Variants in NADK observed in about 807,000 individuals in gnomAD.
The protein encoded by NADK is NAD kinase.
A neutral mutation model predicts 49.8 loss-of-function variants in NADK; 22 were observed. The observed-to-expected ratio is 0.44, with a 90% CI of 0.32 to 0.63. The LOEUF is 0.63. Among genes scored for constraint, NADK ranks in the 30% least tolerant of loss-of-function variants. NADK has a pLI of 0.06. For missense variants in NADK, 438 were observed against 609.4 expected (o/e 0.72, Z 2.96); for synonymous variants, 268 against 253.7 (o/e 1.06, Z -0.54).
upstream of NADK, chr1:1,779,221 T>G (rs1646303125): frequency 6.6e-6 from 1 of 152,406 alleles, no homozygotes. Flanking sequence ...GAGCCGTGTT[T>G]TGCGCACCCC....
In NADK at chr1:1,754,080, T is replaced by C; in HGVS notation, c.1072A>G (p.Ile358Val). 1 of 1,599,770 alleles carries C rather than the reference T, an allele frequency of 6.3e-7. No homozygotes were observed. The highest frequency in any genetic ancestry group is 8.5e-7 in the Non-Finnish European group (1 of 1,172,746). ...ICPHSLSFRP[I>V]VVPAGVELKI... ...AGCTCGACCCCTGCGGGGACCACGA[T>C]GGGCCGGAAGGACAGCGAGTGGGGG... Residue 358 changes from isoleucine (I) to valine (V), a missense_variant, in exon 10 of 12, where the codon ATC becomes GTC. Ile to Val is a conservative substitution (Grantham distance 29, BLOSUM62 3). Coordinates refer to ENST00000341426, the MANE Select transcript of NADK (RefSeq NM_023018.5). This position sits in a 1 kb window ranked among gnomAD's most constrained non-coding sequence, Gnocchi z 4.3.
chr1:1,761,467 G>A (rs1288794672), intron 3 of NADK, among the ~76,000 whole-genome samples: 2 of 152,188 alleles, frequency 1.3e-5, no homozygotes, highest in East Asian at 1.9e-4. Context: ...ATATCAGATC[G>A]ATCACTGTTG....
At chr1:1,761,479 G>A (rs775006207) in intron 3 of NADK, among the ~76,000 whole-genome samples, 2 of 152,192 alleles carry the variant, frequency 1.3e-5, no homozygotes, top group Non-Finnish European at 2.9e-5. Flanking sequence ...TCACTGTTGC[G>A]TTTTTCCCAT....
rs1645464131 is a variant in NADK at position 1,754,957 on chromosome 1, A to G, written c.689-259T>C. ...CTGCCTCAGCCTCCCAAGTAGCTGG[A>G]ACTACGGGTGCGCACCACCACGCCC... On this transcript the variant is annotated intron_variant, in intron 7 of 11. Transcript: ENST00000341426. The surrounding 1 kb of genome is among the most constrained non-coding windows in gnomAD (Gnocchi z 4.3). The G allele has an allele frequency of 2.1e-6, 1 of 466,632 alleles. No homozygotes were observed. The highest frequency in any genetic ancestry group is 2.7e-5 in the South Asian group (1 of 36,970). 28.9% of individuals were successfully genotyped at this position (466,632 alleles called of 1,614,324 possible). A position where few individuals can be genotyped will look rare whatever the true frequency, so the allele number is the denominator to read the frequency against.
At chr1:1,759,903 C>A in intron 3 of NADK, 1 of 1,550,614 alleles carries the variant, frequency 6.4e-7, no homozygotes, top group Non-Finnish European at 8.7e-7. Context: ...AGGAGTGGCT[C>A]TGCCAGGACC....
chr1:1,769,324 A>C (rs924750462), intron 1 of NADK, among the ~76,000 whole-genome samples: 1 of 152,224 alleles, frequency 6.6e-6, no homozygotes. Flanking sequence ...AAGCGGGCAG[A>C]TCACCTGAGG....
chr1:1,755,572 G>A (rs1645489587), intron 6 of NADK, 96 bp from the exon 7 acceptor site: 4 of 886,024 alleles, frequency 4.5e-6, no homozygotes, highest in African/African-American at 1.6e-5. Context: ...CAGCTCTGTG[G>A]GGACAGCACC....
intron 6 of NADK, 46 bp from the exon 7 acceptor site, chr1:1,755,522 C>G (rs775814971): frequency 2.1e-6 from 3 of 1,430,274 alleles, no homozygotes; most frequent in Non-Finnish European, 3.0e-6. Flanking sequence ...CCGTGCACCC[C>G]CGCACCACCC....
At position 1,753,551 on chromosome 1, in the gene NADK, G is replaced by C. The variant is rs138146152; in HGVS notation, c.1184+16C>G. On this transcript the variant is annotated intron_variant, in intron 11 of 11. Transcript: ENST00000341426. ...GAGGTTGGCAGGCAGCGCCCAGCCC[G>C]GCATGCAGCCCACACCTGTCTCCAT... The C allele has an allele frequency of 3.1e-6, 5 of 1,606,624 alleles. No homozygotes were observed. In the East Asian group the frequency reaches 1.1e-4, roughly 36 times the overall value.
intron 3 of NADK, chr1:1,758,493 G>A (rs767083626): frequency 1.9e-6 from 3 of 1,612,122 alleles, no homozygotes; most frequent in East Asian, 4.5e-5. Context: ...TGTGTCCACA[G>A]CATCCAGGCC....
chr1:1,754,379 A>G lies in NADK; in HGVS notation c.848T>C (p.Leu283Pro). The G allele has an allele frequency of 4.3e-6, 7 of 1,613,844 alleles. No individual in the cohort carries two copies. The highest frequency in any genetic ancestry group is 5.9e-6 in the Non-Finnish European group (7 of 1,179,862). The stretch of plus-strand genomic sequence containing the variant: ...GCCTCTGTCAATCACCACCTCATTC[A>G]GGACCTGGAGGGGCGACAGCATTGC... ...VGKQAMQYQV[L>P]NEVVIDRGPS... The change falls in exon 9 of 12, where the codon CTG (leucine) becomes CCG (proline). Residue 283 changes from leucine (L) to proline (P), a missense_variant. By Grantham distance (98) the Leu-to-Pro change is moderately conservative. Coordinates refer to ENST00000341426, the MANE Select transcript of NADK (RefSeq NM_023018.5). The surrounding 1 kb of genome is among the most constrained non-coding windows in gnomAD (Gnocchi z 4.3).
At chr1:1,757,830 C>T (rs1331552851) in intron 3 of NADK, among the ~76,000 whole-genome samples, 1 of 152,150 alleles carries the variant, frequency 6.6e-6, no homozygotes, top group Admixed American at 6.6e-5. Flanking sequence ...CCCCTGCACA[C>T]AGCTCACTAC....
Position 1,754,096 on chromosome 1 carries a change from C to A in NADK, c.1056G>T (p.Ser352=). 1 of 1,605,184 alleles carries A rather than the reference C, an allele frequency of 6.2e-7. No homozygotes were observed. The highest frequency in any genetic ancestry group is 2.2e-5 in the East Asian group (1 of 44,676). The change falls in exon 10 of 12, where the codon TCG becomes TCT. Residue 352 remains serine, a synonymous_variant. Coordinates refer to ENST00000341426, the MANE Select transcript of NADK (RefSeq NM_023018.5). The surrounding 1 kb of genome is among the most constrained non-coding windows in gnomAD (Gnocchi z 4.3). The part of the protein sequence containing the change: ...AIMITPICPH[S]LSFRPIVVPA... ...GGACCACGATGGGCCGGAAGGACAG[C>A]GAGTGGGGGCAGATGGGCGTGATCA...
At chr1:1,778,666 CAG>C (rs1046157603), upstream of NADK, 7 of 151,896 alleles carry the variant, frequency 4.6e-5, no homozygotes, top group African/African-American at 1.7e-4. The surrounding 1 kb of genome is among the most constrained non-coding windows in gnomAD (Gnocchi z 4.9). Flanking sequence ...GCAGCGGGGA[CAG>C]GGGCGGGCGT....
At chr1:1,762,559 C>T (rs1224013533) in intron 2 of NADK, among the ~76,000 whole-genome samples, 2 of 152,042 alleles carry the variant, frequency 1.3e-5, no homozygotes, top group African/African-American at 2.4e-5. Context: ...AGTTTGAGAC[C>T]AGCCTGGCCA....
At position 1,752,151 on chromosome 1, in the gene NADK, CA is replaced by C. The variant is rs1645345440; in HGVS notation, c.*752del. On this transcript the variant is annotated 3_prime_UTR_variant, in exon 12 of 12. Coordinates refer to ENST00000341426, the MANE Select transcript of NADK (RefSeq NM_023018.5). ...GACTCCCTTCCCCTTGAAATCTTCA[CA>C]AAAGTGTGTACGAGAAAGTATGTAC... is the stretch of plus-strand genomic sequence containing the variant. 1 of 152,540 alleles carries C rather than the reference CA, an allele frequency of 6.6e-6. No individual in the cohort carries two copies. The highest frequency in any genetic ancestry group is 2.1e-4 in the South Asian group (1 of 4,826). The allele number at this position is 152,540 out of a possible 1,614,324, so 9.4% of individuals were successfully genotyped here.
chr1:1,766,488 TGAGA>T (rs1192429675), intron 1 of NADK, among the ~76,000 whole-genome samples: 1 of 114,840 alleles, frequency 8.7e-6, no homozygotes, highest in Non-Finnish European at 1.8e-5. Context: ...AACACATTAA[TGAGA>T]GAGAAAGTGT....
chr1:1,753,284 G>T (rs1021901419), intron 11 of NADK, among the ~76,000 whole-genome samples: 7 of 152,166 alleles, frequency 4.6e-5, no homozygotes, highest in Admixed American at 2.0e-4. Context: ...TCTGCCCCAG[G>T]GCCCTCAGGG....
chr1:1,774,177 A>G (rs1646140750), intron 1 of NADK, among the ~76,000 whole-genome samples: 1 of 151,684 alleles, frequency 6.6e-6, no homozygotes, highest in African/African-American at 2.4e-5. Context: ...ATATATACAC[A>G]CACACACACA....
Sources: allele counts gnomAD v4.1 joint callset (sites outside exome capture counted in the v4.1 genomes callset), GRCh38; gene constraint gnomAD v4.1.1; non-coding constraint Gnocchi (gnomAD v3.1); transcripts MANE v1.5; gene names NCBI Gene and HGNC (gene_info 2026-07-23, HGNC 2026-07-21).